The following SMIM27 variants were observed in gnomAD, a reference collection of about 807,000 sequenced individuals.
SMIM27 encodes transition zone microprotein 1.
Under a neutral mutation model 1.8 loss-of-function variants are expected in SMIM27, and 3 were observed. The observed-to-expected ratio is 1.65, with a 90% confidence interval of 0.75 to 4.28. The LOEUF is 4.28. Among genes scored for constraint, SMIM27 ranks in the 30% most tolerant of loss-of-function variants. The probability of loss-of-function intolerance (pLI) is 0.02; values close to 1 mark genes in which losing one functional copy is unlikely to be tolerated. For missense variants in SMIM27, 63 were observed against 37.0 expected (o/e 1.70, Z -1.83); for synonymous variants, 19 against 13.9 (o/e 1.37, Z -0.82).
exon 2 of SMIM27, chr9:32,566,767 C>T (rs988648944): frequency 1.1e-6 from 1 of 898,474 alleles, no homozygotes; most frequent in Non-Finnish European, 1.8e-6. Context: ...CGGGTGTCGG[C>T]TGCGACGTTC....
intron 1 of SMIM27, among the ~76,000 whole-genome samples, chr9:32,563,920 T>C (rs1821702478): frequency 6.6e-6 from 1 of 152,212 alleles, no homozygotes. Flanking sequence ...CTTTCAGCAC[T>C]TCTTTACTTT....
downstream of SMIM27, among the ~76,000 whole-genome samples, chr9:32,554,677 A>G (rs182681953): frequency 1.3e-5 from 2 of 152,290 alleles, no homozygotes; most frequent in African/African-American, 4.8e-5. Context: ...AAAAATAAAT[A>G]TGTTTATGCC....
upstream of SMIM27, chr9:32,551,414 C>T (rs1237053463): frequency 6.2e-6 from 2 of 323,390 alleles, no homozygotes; most frequent in Non-Finnish European, 1.2e-5. Context: ...AACGGGATCC[C>T]AAACCAGAGC....
At chr9:32,556,979 G>A (rs1188669945), downstream of SMIM27, among the ~76,000 whole-genome samples, 1 of 147,910 alleles carries the variant, frequency 6.8e-6, no homozygotes, top group Non-Finnish European at 1.5e-5. Flanking sequence ...AGCCTCCCCG[G>A]TAGCTAGGAT....
chr9:32,553,133 GTCAGA>G, downstream of SMIM27: 1 of 449,450 alleles, frequency 2.2e-6, no homozygotes. Context: ...AGTCTTGAGT[GTCAGA>G]TCATAGTTGG....
intron 1 of SMIM27, chr9:32,565,320 T>G (rs1440221755): frequency 6.7e-6 from 1 of 150,208 alleles, no homozygotes; most frequent in Non-Finnish European, 1.5e-5. Context: ...AATTCAGCAG[T>G]GAATGTCCTT....
chr9:32,560,678 G>C (rs1209129485), intron 1 of SMIM27, among the ~76,000 whole-genome samples: 3 of 151,996 alleles, frequency 2.0e-5, no homozygotes, highest in African/African-American at 7.2e-5. Flanking sequence ...AAATAAAATT[G>C]AACACACAAA....
At chr9:32,557,543 G>A (rs1587637931), downstream of SMIM27, among the ~76,000 whole-genome samples, 2 of 150,872 alleles carry the variant, frequency 1.3e-5, no homozygotes, top group East Asian at 2.0e-4. Context: ...GCAGTGCCAC[G>A]ATCTCAGCTC....
chr9:32,558,761 G>GT, intron 1 of SMIM27: 1 of 470,426 alleles, frequency 2.1e-6, no homozygotes, highest in Non-Finnish European at 3.7e-6. Context: ...TTTTTGTTTT[G>GT]TTTTGTTTTT....
At chr9:32,565,223 G>A (rs1186466624) in intron 1 of SMIM27, among the ~76,000 whole-genome samples, 4 of 151,702 alleles carry the variant, frequency 2.6e-5, no homozygotes, top group African/African-American at 9.7e-5. Flanking sequence ...AACCCAGGAG[G>A]CAGAGGTCGC....
intron 1 of SMIM27, chr9:32,566,206 C>A: frequency 1.3e-6 from 1 of 796,778 alleles, no homozygotes; most frequent in Non-Finnish European, 2.2e-6. Flanking sequence ...TTTGTAGATT[C>A]TGTTCAGGTC....
At chr9:32,561,130 T>TA (rs1435859637) in intron 1 of SMIM27, among the ~76,000 whole-genome samples, 1 of 152,308 alleles carries the variant, frequency 6.6e-6, no homozygotes, top group East Asian at 1.9e-4. Flanking sequence ...CTCTCACCCT[T>TA]AGATATACAA....
At chr9:32,565,976 A>C (rs1821774140) in intron 1 of SMIM27, among the ~76,000 whole-genome samples, 1 of 152,184 alleles carries the variant, frequency 6.6e-6, no homozygotes, top group African/African-American at 2.4e-5. Context: ...CCACCTACAA[A>C]AAACAAACAA....
chr9:32,563,491 C>CTTTTTTTTTTTTTTTTTTTTTTTTTTT (rs111646430), intron 1 of SMIM27, among the ~76,000 whole-genome samples: 2 of 92,002 alleles, frequency 2.2e-5, no homozygotes, highest in African/African-American at 8.9e-5. Flanking sequence ...GACTATTGGG[C>CTTTTTTTTTTTTTTTTTTTTTTTTTTT]TTTTTTTTTT....
chr9:32,561,172 A>G (rs1821614411), intron 1 of SMIM27, among the ~76,000 whole-genome samples: 1 of 152,184 alleles, frequency 6.6e-6, no homozygotes, highest in Non-Finnish European at 1.5e-5. Context: ...TTGTAGAGAG[A>G]GTTTGTGTTG....
chr9:32,566,508 G>A, exon 2 of SMIM27: 1 of 773,756 alleles, frequency 1.3e-6, no homozygotes. Context: ...CTTCCGGTGT[G>A]CAGAGACGGC....
chr9:32,561,097 C>A (rs1464879683), intron 1 of SMIM27, among the ~76,000 whole-genome samples: 1 of 152,140 alleles, frequency 6.6e-6, no homozygotes, highest in East Asian at 1.9e-4. Context: ...TAAAGCCCAT[C>A]AACAACAGAA....
rs115013377 is a variant in SMIM27 at position 32,564,147 on chromosome 9, C to T, written c.46-2244C>T. 3.8e-3 allele frequency among the ~76,000 whole-genome samples: 576 copies of T among 152,286 alleles called. 3 individuals are homozygous for T. The highest frequency in any genetic ancestry group is 0.013 in the African/African-American group (543 of 41,568). The stretch of plus-strand genomic sequence containing the variant: ...ATGTACACACAAACACGCATGCACA[C>T]ATCCACATTTACATCTATATCTATT... On this transcript the variant is annotated intron_variant, in intron 1 of 1. Transcript: ENST00000451672.
At chr9:32,553,983 G>A (rs1429989477), downstream of SMIM27, 1 of 1,279,726 alleles carries the variant, frequency 7.8e-7, no homozygotes, top group Non-Finnish European at 1.1e-6. Flanking sequence ...AAAATCTTAA[G>A]TCTACAGAGG....
Sources: gnomAD v4.1 joint callset for allele counts (sites outside exome capture counted in the v4.1 genomes callset) on GRCh38, gnomAD v4.1.1 for gene constraint, MANE v1.5 for transcripts, NCBI Gene and HGNC (gene_info 2026-07-23, HGNC 2026-07-21) for gene names.